B3GAT1: variants seen among roughly 807,000 people sequenced by gnomAD.
B3GAT1 encodes beta-1,3-glucuronyltransferase 1, also known as galactosylgalactosylxylosylprotein 3-beta-glucuronosyltransferase 1.
In B3GAT1, 11 loss-of-function variants were observed where a neutral mutation model predicts 28.4. The observed-to-expected ratio is 0.39, with a 90% CI of 0.24 to 0.64. B3GAT1 has a LOEUF of 0.64. Among genes scored for constraint, B3GAT1 ranks in the 30% least tolerant of loss-of-function variants. The pLI, the probability that B3GAT1 is intolerant of heterozygous loss-of-function variation, is 0.50. For synonymous variants in B3GAT1, 255 were observed against 223.1 expected (o/e 1.14, Z -1.27); for missense variants, 375 against 491.0 (o/e 0.76, Z 2.23).
intron 1 of B3GAT1, chr11:134,389,426 G>A (rs892825230): frequency 3.3e-5 from 5 of 152,292 alleles, no homozygotes; most frequent in African/African-American, 9.6e-5. Flanking sequence ...GGGCCCAAGT[G>A]AGGAGAATGA....
At chr11:134,406,654 C>T (rs1460933363) in intron 1 of B3GAT1, among the ~76,000 whole-genome samples, 1 of 152,136 alleles carries the variant, frequency 6.6e-6, no homozygotes, top group African/African-American at 2.4e-5. Flanking sequence ...TAAAAAAGCT[C>T]TTGCTGTTGC....
At position 134,382,701 on chromosome 11, in the gene B3GAT1, G is replaced by T. The variant is rs764657042; in HGVS notation, c.918+9C>A. 1.9e-6 allele frequency: 3 copies of T among 1,608,752 alleles called. No homozygotes were observed. Among genetic ancestry groups the T allele is most frequent in the African/African-American group, 1.3e-5 (1 of 74,860 alleles). ...GCATCACAGCTGTCAGTTCTGCGGAGGGTCTCACCTTGGTGCAGTTGGCTG... is the reference window on the plus strand; with the variant it reads ...GCATCACAGCTGTCAGTTCTGCGGATGGTCTCACCTTGGTGCAGTTGGCTG... On this transcript the variant is annotated intron_variant, in intron 4 of 5. Coordinates refer to ENST00000312527, the MANE Select transcript of B3GAT1 (RefSeq NM_054025.3).
At chr11:134,403,983 T>TTATATATATATATA (rs55794505) in intron 1 of B3GAT1, among the ~76,000 whole-genome samples, 2 of 40,672 alleles carry the variant, frequency 4.9e-5, no homozygotes, top group Non-Finnish European at 8.0e-5. Context: ...GTTTCTTTCT[T>TTATATATATATATA]TATATATATA....
At chr11:134,400,986 T>A (rs1246261545) in intron 1 of B3GAT1, among the ~76,000 whole-genome samples, 2 of 152,012 alleles carry the variant, frequency 1.3e-5, no homozygotes, top group African/African-American at 4.8e-5. Flanking sequence ...CCAACAAATA[T>A]GAAAAAATGC....
At chr11:134,390,788 A>G (rs1051429672) in intron 1 of B3GAT1, 1 of 152,282 alleles carries the variant, frequency 6.6e-6, no homozygotes, top group Admixed American at 6.5e-5. Flanking sequence ...AGTCCAGGCC[A>G]TCTGGCTCTA....
At chr11:134,392,008 C>G (rs1944420243) in intron 1 of B3GAT1, 1 of 152,258 alleles carries the variant, frequency 6.6e-6, no homozygotes. Flanking sequence ...TGCTGATTGC[C>G]CTCCTTGACC....
chr11:134,405,534 G>T (rs1179708002), intron 1 of B3GAT1, among the ~76,000 whole-genome samples: 2 of 152,318 alleles, frequency 1.3e-5, no homozygotes, highest in South Asian at 4.1e-4. Context: ...GGATAGTTGA[G>T]GTTGGTTTTC....
rs1444649763 is a variant in B3GAT1, at chr11:134,412,124, A to G, written c.-599T>C. 1.8e-4 allele frequency among the ~76,000 whole-genome samples: 3 copies of G among 17,130 alleles called. No homozygotes were observed. The highest frequency in any genetic ancestry group is 1.4e-3 in the Admixed American group (2 of 1,422). The allele number at this position is 17,130 out of a possible 152,430, so 11.2% of individuals were successfully genotyped here. A position where few individuals can be genotyped will look rare whatever the true frequency, so the allele number is the denominator to read the frequency against. On this transcript the variant is annotated 5_prime_UTR_variant, in exon 1 of 6. Transcript: ENST00000312527. The stretch of plus-strand genomic sequence containing the variant: ...GCGGGGAGGGGGAGCGGGGAGGGGG[A>G]GCGGGGAGCGGGCGCGGGGGCGAGA...
At chr11:134,399,208 GGTGGGGTAGAATCAGCC>G (rs1354494962) in intron 1 of B3GAT1, among the ~76,000 whole-genome samples, 3 of 152,206 alleles carry the variant, frequency 2.0e-5, no homozygotes, top group African/African-American at 7.2e-5. Context: ...GTTGGAGACA[GGTGGGGTAGAATCAGCC>G]GTGCACATCA....
At chr11:134,404,849 C>T (rs535927340) in intron 1 of B3GAT1, among the ~76,000 whole-genome samples, 77 of 152,348 alleles carry the variant, frequency 5.1e-4, no homozygotes, top group Admixed American at 3.1e-3. Flanking sequence ...ACTTCAGCTA[C>T]CACGCAGAAA....
At chr11:134,401,883 C>CGAA (rs1377781511) in intron 1 of B3GAT1, among the ~76,000 whole-genome samples, 12 of 151,502 alleles carry the variant, frequency 7.9e-5, no homozygotes, top group Non-Finnish European at 1.3e-4. Context: ...ATTCTTCTCT[C>CGAA]CCCAGCACGA....
chr11:134,387,480 C>A (rs767920899), intron 2 of B3GAT1, 68 bp downstream of exon 2: 23 of 1,587,948 alleles, frequency 1.4e-5, no homozygotes, highest in African/African-American at 8.0e-5. Flanking sequence ...AAGAACCCTG[C>A]GTGTCAGCTG....
chr11:134,384,585 T>G (rs773447120), intron 2 of B3GAT1: 6 of 196,188 alleles, frequency 3.1e-5, no homozygotes, highest in Admixed American at 5.5e-5. Context: ...AGGGCTGGGC[T>G]AGCAGAGCAC....
At chr11:134,382,640 G>A (rs1049642276) in intron 4 of B3GAT1, 70 bp downstream of exon 4, 8 of 1,537,746 alleles carry the variant, frequency 5.2e-6, no homozygotes, top group Admixed American at 3.6e-5. Flanking sequence ...TCCTTCTCCC[G>A]ATCTGTAGGG....
At chr11:134,399,240 A>G (rs1944562523) in intron 1 of B3GAT1, among the ~76,000 whole-genome samples, 1 of 152,200 alleles carries the variant, frequency 6.6e-6, no homozygotes, top group Admixed American at 6.5e-5. Flanking sequence ...ACATCATTCC[A>G]GCTCTATGAA....
At chr11:134,401,892 G>A (rs573661443) in intron 1 of B3GAT1, among the ~76,000 whole-genome samples, 2 of 151,272 alleles carry the variant, frequency 1.3e-5, no homozygotes, top group African/African-American at 4.9e-5. Flanking sequence ...TCCCCAGCAC[G>A]AGGCGGTGCT....
intron 1 of B3GAT1, among the ~76,000 whole-genome samples, chr11:134,410,156 C>G (rs576017830): frequency 2.0e-5 from 3 of 152,248 alleles, no homozygotes; most frequent in African/African-American, 4.8e-5. Flanking sequence ...GTCTCCGCCA[C>G]GGGCTCCAAT....
chr11:134,385,129 G>A (rs569602175), intron 2 of B3GAT1: 8 of 152,284 alleles, frequency 5.3e-5, no homozygotes, highest in East Asian at 1.9e-4. Flanking sequence ...TAATAGCATC[G>A]AACTTATCGA....
rs1944871049 is a variant in B3GAT1, at chr11:134,412,074, C to CGGGCAGGGAGGCGGGGGGCGGG, written c.-571_-550dup. Among the ~76,000 whole-genome samples the CGGGCAGGGAGGCGGGGGGCGGG allele has an allele frequency of 2.8e-5, 1 of 35,606 alleles. No homozygotes were observed. The highest frequency in any genetic ancestry group is 9.2e-5 in the African/African-American group (1 of 10,918). The allele number at this position is 35,606 out of a possible 152,430, so 23.4% of individuals were successfully genotyped here. On this transcript the variant is annotated 5_prime_UTR_variant, in exon 1 of 6. Transcript: ENST00000312527. Reference sequence around the variant, plus strand: ...CTGGGAGCGCGCGGGAGGGAGGGCGCGGGCAGGGAGGCGGGGGGCGGGGGG... The same window carrying CGGGCAGGGAGGCGGGGGGCGGG: ...CTGGGAGCGCGCGGGAGGGAGGGCGCGGGCAGGGAGGCGGGGGGCGGGGGGCAGGGAGGCGGGGGGCGGGGGG...
Sources: gnomAD v4.1 joint callset for allele counts (sites outside exome capture counted in the v4.1 genomes callset) on GRCh38, gnomAD v4.1.1 for gene constraint, MANE v1.5 for transcripts, NCBI Gene and HGNC (gene_info 2026-07-23, HGNC 2026-07-21) for gene names.